The following TTLL5 variants were observed in gnomAD, a reference collection of about 807,000 sequenced individuals.
TTLL5 encodes the protein tubulin polyglutamylase TTLL5.
A neutral mutation model predicts 168.4 loss-of-function variants in TTLL5; 132 were observed. That is an observed-to-expected ratio of 0.78 (90% CI 0.68 to 0.91). TTLL5 has a LOEUF of 0.91. Among genes scored for constraint, TTLL5 ranks in the 40% least tolerant of loss-of-function variants. The pLI, the probability that TTLL5 is intolerant of heterozygous loss-of-function variation, is 0.00. For synonymous variants in TTLL5, 546 were observed against 558.6 expected, an observed-to-expected ratio of 0.98 and a Z score of 0.32; for missense variants, 1,545 against 1,581.5, an observed-to-expected ratio of 0.98 and a Z score of 0.39.
intron 31 of TTLL5, among the ~76,000 whole-genome samples, chr14:75,942,814 C>T (rs567153067): frequency 6.6e-6 from 1 of 152,188 alleles, no homozygotes; most frequent in Non-Finnish European, 1.5e-5. Flanking sequence ...GTTGGACTCC[C>T]TGATAGTTGC....
intron 15 of TTLL5, 80 bp downstream of exon 15, chr14:75,735,369 C>CT (rs1888819642): frequency 7.2e-7 from 1 of 1,382,442 alleles, no homozygotes; most frequent in Admixed American, 1.7e-5. Context: ...AGCAGAAGCA[C>CT]TGTGGGTATG....
At chr14:75,678,950 GA>G (rs1355620627) in intron 3 of TTLL5, among the ~76,000 whole-genome samples, 1 of 152,092 alleles carries the variant, frequency 6.6e-6, no homozygotes, top group African/African-American at 2.4e-5. Flanking sequence ...ATTCTTGTTT[GA>G]ATCACTTACT....
Position 75,673,918 on chromosome 14 carries a change from C to T in TTLL5, c.181+4396C>T, listed in dbSNP as rs546759369. On this transcript the variant is annotated intron_variant, in intron 3 of 31. Transcript: ENST00000298832. The stretch of plus-strand genomic sequence containing the variant: ...TAACTGAAGACCCCTTGCTGAGAAA[C>T]TCCCTCTAAATATGATTTGAGCCAA... Among the ~76,000 whole-genome samples, 8 of 152,266 alleles carry T rather than the reference C, an allele frequency of 5.3e-5. No homozygotes were observed. In the South Asian group the frequency reaches 1.7e-3, roughly 32 times the overall value.
At chr14:75,818,233 G>A (rs1327656153) in intron 27 of TTLL5, among the ~76,000 whole-genome samples, 1 of 151,928 alleles carries the variant, frequency 6.6e-6, no homozygotes, top group African/African-American at 2.4e-5. Flanking sequence ...ATTATAAAAG[G>A]TAATACATGC....
At position 75,954,479 on chromosome 14, in the gene TTLL5, C is replaced by G; in HGVS notation, c.*33C>G. 6.2e-7 allele frequency: 1 copy of G among 1,612,668 alleles called. No homozygotes were observed. On this transcript the variant is annotated 3_prime_UTR_variant, in exon 32 of 32. Coordinates refer to ENST00000298832, the MANE Select transcript of TTLL5 (RefSeq NM_015072.5). ...ACACACAGAGAAACAACCTGTTCACCACTCCTGGGTGCATGATTGAGGGTG... is the reference window on the plus strand; with the variant it reads ...ACACACAGAGAAACAACCTGTTCACGACTCCTGGGTGCATGATTGAGGGTG...
At chr14:75,854,803 T>C (rs534701543) in intron 28 of TTLL5, among the ~76,000 whole-genome samples, 1 of 152,360 alleles carries the variant, frequency 6.6e-6, no homozygotes, top group East Asian at 1.9e-4. Flanking sequence ...CTTTTGTAAA[T>C]TGACTGTTCC....
At chr14:75,851,316 G>A (rs1896841628) in intron 28 of TTLL5, among the ~76,000 whole-genome samples, 1 of 152,146 alleles carries the variant, frequency 6.6e-6, no homozygotes. Flanking sequence ...GATCACGGAT[G>A]AATTTCTCTA....
chr14:75,719,139 G>GTA (rs1328348104), intron 10 of TTLL5, among the ~76,000 whole-genome samples: 18 of 152,138 alleles, frequency 1.2e-4, no homozygotes, highest in Non-Finnish European at 2.9e-5. Context: ...CATAGCAATA[G>GTA]TATACCTCCT....
At chr14:75,739,086 G>A (rs372862919) in intron 15 of TTLL5, among the ~76,000 whole-genome samples, 1 of 152,040 alleles carries the variant, frequency 6.6e-6, no homozygotes, top group Non-Finnish European at 1.5e-5. Context: ...GGGATTGCAG[G>A]CATGAGCCAC....
In TTLL5 at chr14:75,793,187, A is replaced by G. The variant is rs943135723; in HGVS notation, c.3171+87A>G. On this transcript the variant is annotated intron_variant, in intron 27 of 31. Coordinates refer to ENST00000298832, the MANE Select transcript of TTLL5 (RefSeq NM_015072.5). ...TACTTTGTCTTTCCCTGTCTTTACT[A>G]TTCCCATATACTGATGCCTCTTGAA... is the stretch of plus-strand genomic sequence containing the variant. The G allele has an allele frequency of 1.9e-5, 24 of 1,294,936 alleles. No individual in the cohort carries two copies. The Middle Eastern group carries it at 1.0e-3, about 54-fold the overall frequency. 80.2% of individuals were successfully genotyped at this position (1,294,936 alleles called of 1,614,324 possible). A position where few individuals can be genotyped will look rare whatever the true frequency, so the allele number is the denominator to read the frequency against.
intron 27 of TTLL5, among the ~76,000 whole-genome samples, chr14:75,808,922 G>A (rs1168778901): frequency 6.6e-6 from 1 of 151,716 alleles, no homozygotes; most frequent in Admixed American, 6.6e-5. Context: ...ACCATGCCCA[G>A]CTGATCCTGT....
At chr14:75,730,348 GA>G (rs1440314236) in intron 12 of TTLL5, among the ~76,000 whole-genome samples, 1 of 152,162 alleles carries the variant, frequency 6.6e-6, no homozygotes, top group Admixed American at 6.5e-5. Flanking sequence ...TAAAAGCTAT[GA>G]ATTCATTGCG....
At chr14:75,681,440 G>T in intron 3 of TTLL5, 105 bp from the exon 4 acceptor site, 3 of 824,012 alleles carry the variant, frequency 3.6e-6, no homozygotes, top group Non-Finnish European at 5.9e-6. Context: ...CATTTTAATG[G>T]TAGCATGTAA....
At chr14:75,727,809 CA>C in intron 12 of TTLL5, 1 of 497,132 alleles carries the variant, frequency 2.0e-6, no homozygotes, top group Non-Finnish European at 4.0e-6. Flanking sequence ...CTAGAATAAG[CA>C]AAACTAATCT....
chr14:75,719,134 C>A (rs1169985955), intron 10 of TTLL5, among the ~76,000 whole-genome samples: 1 of 152,156 alleles, frequency 6.6e-6, no homozygotes, highest in Non-Finnish European at 1.5e-5. Context: ...GCTGCCATAG[C>A]AATAGTATAC....
chr14:75,718,219 C>G (rs2140198414), intron 10 of TTLL5, among the ~76,000 whole-genome samples: 1 of 152,300 alleles, frequency 6.6e-6, no homozygotes. Context: ...CCTTCCCTCA[C>G]TTGACTTAGG....
chr14:75,909,374 A>G (rs1052925362), intron 31 of TTLL5, among the ~76,000 whole-genome samples: 2 of 149,396 alleles, frequency 1.3e-5, no homozygotes, highest in Non-Finnish European at 3.0e-5. Context: ...AATCCAGCCA[A>G]TCCAAAGCTG....
intron 31 of TTLL5, among the ~76,000 whole-genome samples, chr14:75,939,644 C>T (rs974491011): frequency 1.3e-5 from 2 of 152,176 alleles, no homozygotes; most frequent in African/African-American, 4.8e-5. Flanking sequence ...CTGCCTCAGC[C>T]TCCCAAAGTG....
intron 29 of TTLL5, among the ~76,000 whole-genome samples, chr14:75,869,187 A>C (rs779157912): frequency 6.6e-6 from 1 of 151,990 alleles, no homozygotes; most frequent in Admixed American, 6.6e-5. Context: ...AGGAACTCAT[A>C]CTTAGTGTCT....
Sources: allele counts gnomAD v4.1 joint callset (sites outside exome capture counted in the v4.1 genomes callset), GRCh38; gene constraint gnomAD v4.1.1; transcripts MANE v1.5; gene names NCBI Gene and HGNC (gene_info 2026-07-23, HGNC 2026-07-21).